Variants in MAF observed in about 807,000 individuals in gnomAD.
MAF encodes the protein transcription factor Maf.
Under a neutral mutation model 22.0 loss-of-function variants are expected in MAF, and 10 were observed. That is an observed-to-expected ratio of 0.45 (90% confidence interval 0.28 to 0.77). MAF has a LOEUF of 0.77. Among genes scored for constraint, MAF ranks in the 30% least tolerant of loss-of-function variants. MAF has a pLI of 0.12. For synonymous variants in MAF, 337 were observed against 255.8 expected (o/e 1.32, Z -3.03); for missense variants, 544 against 548.4 (o/e 0.99, Z 0.08).
the MAF span, among the ~76,000 whole-genome samples, chr16:79,514,237 G>A: frequency 6.6e-6 from 1 of 152,354 alleles, no homozygotes; most frequent in African/African-American, 2.4e-5. Context: ...TCGCTGGGAA[G>A]GGACCTTGAA....
the MAF span, among the ~76,000 whole-genome samples, chr16:79,540,231 G>T: frequency 6.6e-6 from 1 of 151,692 alleles, no homozygotes; most frequent in African/African-American, 2.4e-5. Flanking sequence ...AGAAAAAGCT[G>T]GCCAACTAGA....
the MAF span, among the ~76,000 whole-genome samples, chr16:79,223,636 G>C: frequency 6.6e-6 from 1 of 152,022 alleles, no homozygotes; most frequent in African/African-American, 2.4e-5. Flanking sequence ...GAAGAAAAGA[G>C]GGAAGAATTA....
chr16:79,327,531 G>A, the MAF span, among the ~76,000 whole-genome samples: 1 of 152,170 alleles, frequency 6.6e-6, no homozygotes, highest in African/African-American at 2.4e-5. Flanking sequence ...ATTTGACAAG[G>A]TCACATAGCT....
At chr16:79,326,351 C>A in the MAF span, among the ~76,000 whole-genome samples, 1 of 152,146 alleles carries the variant, frequency 6.6e-6, no homozygotes, top group African/African-American at 2.4e-5. Context: ...TTTGTCCAAT[C>A]CACTTTCTAA....
At chr16:79,279,342 G>T in the MAF span, among the ~76,000 whole-genome samples, 5 of 152,178 alleles carry the variant, frequency 3.3e-5, no homozygotes, top group Non-Finnish European at 7.3e-5. Flanking sequence ...CCAGCCTAGG[G>T]TGAAGAGAAA....
chr16:79,231,669 TATGGAAC>T, the MAF span, among the ~76,000 whole-genome samples: 1 of 152,084 alleles, frequency 6.6e-6, no homozygotes, highest in Non-Finnish European at 1.5e-5. Context: ...AAGATAACTA[TATGGAAC>T]ATGCTGTTCT....
chr16:79,354,246 C>A, the MAF span, among the ~76,000 whole-genome samples: 5 of 152,192 alleles, frequency 3.3e-5, no homozygotes, highest in African/African-American at 1.2e-4. Flanking sequence ...CCTGCCTTGG[C>A]CTCCCAAAGT....
At chr16:79,529,410 G>A in the MAF span, among the ~76,000 whole-genome samples, 3 of 152,152 alleles carry the variant, frequency 2.0e-5, no homozygotes, top group East Asian at 1.9e-4. Flanking sequence ...GAACACATCC[G>A]CCATAGAGAA....
At chr16:79,268,280 G>A in the MAF span, among the ~76,000 whole-genome samples, 42 of 152,110 alleles carry the variant, frequency 2.8e-4, no homozygotes, top group Non-Finnish European at 4.0e-4. Flanking sequence ...AAATGTAGTC[G>A]TCTCAGCCTG....
the MAF span, among the ~76,000 whole-genome samples, chr16:79,284,681 G>A: frequency 6.6e-6 from 1 of 152,228 alleles, no homozygotes; most frequent in East Asian, 1.9e-4. Flanking sequence ...GTTTCAAACT[G>A]TGCAGGGCTG....
the MAF span, among the ~76,000 whole-genome samples, chr16:79,236,650 C>T: frequency 1.6e-4 from 25 of 152,122 alleles, no homozygotes; most frequent in South Asian, 2.9e-3. Flanking sequence ...GGCCAGGCTA[C>T]AAGGCTAGAC....
At chr16:79,332,389 C>T in the MAF span, among the ~76,000 whole-genome samples, 3 of 152,172 alleles carry the variant, frequency 2.0e-5, no homozygotes, top group Non-Finnish European at 2.9e-5. Flanking sequence ...CAAACTCCAC[C>T]TCCTGGGTTC....
chr16:79,333,952 A>G, the MAF span, among the ~76,000 whole-genome samples: 8 of 152,340 alleles, frequency 5.3e-5, no homozygotes, highest in East Asian at 1.5e-3. Flanking sequence ...TGGTGATATA[A>G]CCACGTGTGG....
At chr16:79,560,527 T>C in the MAF span, among the ~76,000 whole-genome samples, 1 of 152,102 alleles carries the variant, frequency 6.6e-6, no homozygotes, top group African/African-American at 2.4e-5. Flanking sequence ...TGCAATGGTT[T>C]GCTGACTACT....
chr16:79,296,597 T>C, the MAF span, among the ~76,000 whole-genome samples: 1 of 151,994 alleles, frequency 6.6e-6, no homozygotes, highest in Non-Finnish European at 1.5e-5. Context: ...AGTTACAGTA[T>C]ATTTACTCTG....
the MAF span, among the ~76,000 whole-genome samples, chr16:79,459,148 T>G: frequency 6.6e-6 from 1 of 152,164 alleles, no homozygotes; most frequent in Non-Finnish European, 1.5e-5. Context: ...CAAGGAGCAG[T>G]TGATCAGAGG....
the MAF span, among the ~76,000 whole-genome samples, chr16:79,238,361 C>T: frequency 6.6e-6 from 1 of 152,082 alleles, no homozygotes; most frequent in Admixed American, 6.6e-5. Context: ...TTTACAGATT[C>T]CCTTTGTATC....
chr16:79,353,050 C>A, the MAF span, among the ~76,000 whole-genome samples: 3 of 151,682 alleles, frequency 2.0e-5, no homozygotes, highest in Non-Finnish European at 2.9e-5. Flanking sequence ...GATAGAGATG[C>A]CAAATCAGTC....
the MAF span, among the ~76,000 whole-genome samples, chr16:79,376,878 A>T: frequency 6.6e-6 from 1 of 152,308 alleles, no homozygotes; most frequent in Non-Finnish European, 1.5e-5. Flanking sequence ...GCTGCATAGT[A>T]TTCCATGGTG....
Sources: gnomAD v4.1 joint callset for allele counts (sites outside exome capture counted in the v4.1 genomes callset) on GRCh38, gnomAD v4.1.1 for gene constraint, MANE v1.5 for transcripts, NCBI Gene and HGNC (gene_info 2026-07-23, HGNC 2026-07-21) for gene names.